Variants in ADGRG1 observed in about 807,000 individuals in gnomAD.
ADGRG1 encodes 7-transmembrane protein with no EGF-like N-terminal domains-1.
A neutral mutation model predicts 73.5 loss-of-function variants in ADGRG1; 53 were observed. That is an observed-to-expected ratio of 0.72 (90% CI 0.58 to 0.91). The LOEUF is 0.91. ADGRG1 is among the 40% of genes least tolerant of loss of function. The pLI, the probability that ADGRG1 is intolerant of heterozygous loss-of-function variation, is 0.00. For synonymous variants in ADGRG1, 394 were observed against 374.4 expected, an observed-to-expected ratio of 1.05 and a Z score of -0.60; for missense variants, 795 against 871.8, an observed-to-expected ratio of 0.91 and a Z score of 1.11.
Position 57,630,144 on chromosome 16 carries a change from C to A in ADGRG1, c.-36+1342C>A, listed in dbSNP as rs902778808. 2.4e-5 allele frequency: 12 copies of A among 508,752 alleles called. No homozygotes were observed. In the Admixed American group the frequency reaches 2.5e-4, roughly 11 times the overall value. The allele number at this position is 508,752 out of a possible 1,614,324, so 31.5% of individuals were successfully genotyped here. A position where few individuals can be genotyped will look rare whatever the true frequency, so the allele number is the denominator to read the frequency against. On this transcript the variant is annotated intron_variant, in intron 1 of 13. Coordinates refer to ENST00000562631, the MANE Select transcript of ADGRG1 (RefSeq NM_201525.4). The stretch of plus-strand genomic sequence containing the variant: ...GAGGCAAATAAGGTATCTCAGAACT[C>A]GTGAGTGGCCCAGACCCAGAGCCAA...
At chr16:57,646,420 C>T (rs2042657255) in intron 1 of ADGRG1, 1 of 985,480 alleles carries the variant, frequency 1.0e-6, no homozygotes, top group African/African-American at 1.7e-5. Flanking sequence ...TCTGCTGGAT[C>T]CTTGGGGAAC....
At chr16:57,634,058 G>C in intron 1 of ADGRG1, 1 of 985,298 alleles carries the variant, frequency 1.0e-6, no homozygotes, top group Non-Finnish European at 1.2e-6. Flanking sequence ...CAGAGGCCAT[G>C]GCCCTAGCCC....
chr16:57,638,069 G>A (rs1453936255), intron 1 of ADGRG1, among the ~76,000 whole-genome samples: 2 of 152,208 alleles, frequency 1.3e-5, no homozygotes, highest in Non-Finnish European at 2.9e-5. Flanking sequence ...CTTTGACTCA[G>A]TGGGTATGAA....
chr16:57,654,620 C>G (rs1363902247), intron 5 of ADGRG1, among the ~76,000 whole-genome samples: 3 of 152,182 alleles, frequency 2.0e-5, no homozygotes, highest in Non-Finnish European at 2.9e-5. Flanking sequence ...TGGCTCACAT[C>G]TGTAATCCCA....
chr16:57,637,869 AGT>A (rs1339717860), intron 1 of ADGRG1, among the ~76,000 whole-genome samples: 23 of 152,324 alleles, frequency 1.5e-4, no homozygotes, highest in Admixed American at 9.8e-4. Context: ...TGTGATTGCC[AGT>A]GGGGTTCCCC....
At chr16:57,619,823 C>T (rs1210764552), upstream of ADGRG1, 1 of 152,404 alleles carries the variant, frequency 6.6e-6, no homozygotes, top group East Asian at 1.9e-4. Context: ...CAAGGACTCC[C>T]CTGGGCTCAT....
At chr16:57,653,609 C>T (rs2148331587) in intron 4 of ADGRG1, 1 of 983,306 alleles carries the variant, frequency 1.0e-6, no homozygotes, top group Non-Finnish European at 1.2e-6. Context: ...GCCCAGCAGA[C>T]CAAGGCTCAG....
chr16:57,653,059 T>G (rs2044522531), intron 3 of ADGRG1, 144 bp from the exon 4 acceptor site: 2 of 1,548,614 alleles, frequency 1.3e-6, no homozygotes, highest in Non-Finnish European at 1.7e-6. Context: ...CAGAGTCCAC[T>G]CTGCTTCTTG....
chr16:57,634,111 CA>C (rs1567685070), intron 1 of ADGRG1: 1 of 985,298 alleles, frequency 1.0e-6, no homozygotes, highest in Non-Finnish European at 1.2e-6. Flanking sequence ...TTTCCTGGGA[CA>C]GAACAGCACT....
intron 1 of ADGRG1, chr16:57,635,640 C>A: frequency 1.0e-6 from 1 of 984,806 alleles, no homozygotes; most frequent in Non-Finnish European, 1.2e-6. Flanking sequence ...TCCAACCCCG[C>A]CCCTGTTCCC....
rs1303208632 is a variant in ADGRG1, at chr16:57,632,799, G to T, written c.-36+3997G>T. 5.1e-6 allele frequency: 5 copies of T among 985,352 alleles called. No individual in the cohort carries two copies. In the African/African-American group the frequency reaches 8.7e-5, roughly 17 times the overall value. The allele number at this position is 985,352 out of a possible 1,614,324, so 61.0% of individuals were successfully genotyped here. On this transcript the variant is annotated intron_variant, in intron 1 of 13. Coordinates refer to ENST00000562631, the MANE Select transcript of ADGRG1 (RefSeq NM_201525.4). ...GCTGGCATGCTTCCGGGCACCGGTG[G>T]ACAGGCCTCTCTGCATTAGTGGGAG... is the stretch of plus-strand genomic sequence containing the variant.
chr16:57,644,854 A>C (rs2042103315), intron 1 of ADGRG1, among the ~76,000 whole-genome samples: 1 of 145,728 alleles, frequency 6.9e-6, no homozygotes, highest in Non-Finnish European at 1.5e-5. Context: ...TGCAGGGCAC[A>C]CACACCCATG....
chr16:57,620,218 C>T (rs1176116550), upstream of ADGRG1: 1 of 152,452 alleles, frequency 6.6e-6, no homozygotes, highest in Non-Finnish European at 1.5e-5. Flanking sequence ...TTGGCCATCC[C>T]TCAGGTCTAG....
chr16:57,628,233 G>A (rs1301618725), upstream of ADGRG1: 5 of 949,232 alleles, frequency 5.3e-6, no homozygotes, highest in African/African-American at 1.8e-5. Flanking sequence ...GGCAGTTGTC[G>A]CCCTGACCTG....
intron 5 of ADGRG1, chr16:57,655,169 G>T: frequency 3.0e-6 from 3 of 985,450 alleles, no homozygotes; most frequent in Non-Finnish European, 3.6e-6. Context: ...TTCTCCCAGG[G>T]CTATTTGCCC....
In ADGRG1 at chr16:57,654,409, AC is replaced by A. The variant is rs72461004; in HGVS notation, c.768+288del. The stretch of plus-strand genomic sequence containing the variant: ...CCAGCCCCTAAACGCCTGTCCACGC[AC>A]CCCCCCCCCCCGTTTTTTTTTTTTC... On this transcript the variant is annotated intron_variant, in intron 5 of 13. Coordinates refer to ENST00000562631, the MANE Select transcript of ADGRG1 (RefSeq NM_201525.4). 0.088 allele frequency among the ~76,000 whole-genome samples: 3,918 copies of A among 44,692 alleles called. 150 individuals carry two copies. The highest frequency in any genetic ancestry group is 0.2 in the South Asian group (349 of 1,714). The allele number at this position is 44,692 out of a possible 152,430, so 29.3% of individuals were successfully genotyped here.
At chr16:57,652,924 A>G (rs2044467770) in intron 3 of ADGRG1, 5 of 1,298,718 alleles carry the variant, frequency 3.8e-6, no homozygotes, top group East Asian at 3.7e-5. Flanking sequence ...CCGTGTGTGT[A>G]GCCGAAGGTG....
At chr16:57,661,311 A>G in intron 12 of ADGRG1, 1 of 985,048 alleles carries the variant, frequency 1.0e-6, no homozygotes, top group Non-Finnish European at 1.2e-6. Flanking sequence ...GTCCTTCTCC[A>G]CTCACCTGAT....
intron 6 of ADGRG1, 140 bp downstream of exon 6, chr16:57,655,670 C>T (rs1267937357): frequency 1.9e-6 from 3 of 1,584,934 alleles, no homozygotes; most frequent in Non-Finnish European, 2.6e-6. Context: ...CTGCAATGTG[C>T]AAATCTCCCT....
Sources: allele counts gnomAD v4.1 joint callset (sites outside exome capture counted in the v4.1 genomes callset), GRCh38; gene constraint gnomAD v4.1.1; transcripts MANE v1.5; gene names NCBI Gene and HGNC (gene_info 2026-07-23, HGNC 2026-07-21).